The following COMMD5 variants were observed in gnomAD, a reference collection of about 807,000 sequenced individuals.
COMMD5 encodes the protein COMM domain-containing protein 5.
COMMD5 carries 10 observed loss-of-function variants against 6.9 expected under a neutral mutation model. The observed-to-expected ratio is 1.44, with a 90% CI of 0.89 to 2.45. COMMD5 has a LOEUF of 2.45. Among genes scored for constraint, COMMD5 ranks in the 30% most tolerant of loss-of-function variants. The probability of loss-of-function intolerance (pLI) is 0.00; values close to 1 mark genes in which losing one functional copy is unlikely to be tolerated. For synonymous variants in COMMD5, 127 were observed against 125.3 expected, an observed-to-expected ratio of 1.01 and a Z score of -0.09; for missense variants, 234 against 287.8, an observed-to-expected ratio of 0.81 and a Z score of 1.35.
intron 1 of COMMD5, among the ~76,000 whole-genome samples, chr8:144,852,082 A>T (rs1830771955): frequency 7.0e-6 from 1 of 142,720 alleles, no homozygotes; most frequent in Non-Finnish European, 1.5e-5. Context: ...TCGTGGCTGC[A>T]GTGAGACGAA....
At position 144,850,670 on chromosome 8, in the gene COMMD5, C is replaced by A; in HGVS notation, c.669G>T (p.Gln223His). The part of the protein sequence containing the change: ...DLEKRCERRL[Q>H]D Reference sequence around the variant, plus strand: ...GGACTGGTCAAGTGAGGGGTCAGTCCTGCAGTCTGCGCTCACACCTCTTCT... The same window carrying A: ...GGACTGGTCAAGTGAGGGGTCAGTCATGCAGTCTGCGCTCACACCTCTTCT... The change falls in exon 2 of 2, where the codon CAG (glutamine) becomes CAT (histidine). Residue 223 changes from glutamine to histidine, a missense_variant. Transcript: ENST00000305103. The surrounding 1 kb of genome is among the most constrained non-coding windows in gnomAD (Gnocchi z 4.0). The A allele has an allele frequency of 6.2e-7, 1 of 1,612,886 alleles. No homozygotes were observed. The highest frequency in any genetic ancestry group is 8.5e-7 in the Non-Finnish European group (1 of 1,179,822).
At position 144,850,602 on chromosome 8, in the gene COMMD5, C is replaced by T; in HGVS notation, c.*62G>A. The T allele has an allele frequency of 6.5e-7, 1 of 1,548,452 alleles. No homozygotes were observed. The highest frequency in any genetic ancestry group is 1.4e-5 in the African/African-American group (1 of 73,626). On this transcript the variant is annotated 3_prime_UTR_variant, in exon 2 of 2. Coordinates refer to ENST00000305103, the MANE Select transcript of COMMD5 (RefSeq NM_014066.4). This position sits in a 1 kb window ranked among gnomAD's most constrained non-coding sequence, Gnocchi z 4.0. The stretch of plus-strand genomic sequence containing the variant: ...GCTGTCGTGGGAAGAGTCAGCTGCA[C>T]TTTGGCACCATCTCAGGTGCCTGTC...
chr8:144,840,332 T>G (rs1829716888), downstream of COMMD5, among the ~76,000 whole-genome samples: 2 of 152,094 alleles, frequency 1.3e-5, no homozygotes, highest in Non-Finnish European at 2.9e-5. Context: ...CCTTTGGAGA[T>G]CCCTGGAAGC....
Sources: allele counts gnomAD v4.1 joint callset (sites outside exome capture counted in the v4.1 genomes callset), GRCh38; gene constraint gnomAD v4.1.1; non-coding constraint Gnocchi (gnomAD v3.1); transcripts MANE v1.5; gene names NCBI Gene and HGNC (gene_info 2026-07-23, HGNC 2026-07-21).